The following UBAP1 variants were observed in gnomAD, a reference collection of about 807,000 sequenced individuals.
The protein encoded by UBAP1 is ubiquitin-associated protein 1.
Under a neutral mutation model 39.0 loss-of-function variants are expected in UBAP1, and 5 were observed. The ratio of observed to expected loss-of-function variants is 0.13; its 90% confidence interval spans 0.07 to 0.27. The LOEUF is 0.27. Among genes scored for constraint, UBAP1 ranks in the 10% least tolerant of loss-of-function variants. The pLI is 1.00. For missense variants in UBAP1, 490 were observed against 608.1 expected (o/e 0.81, Z 2.04); for synonymous variants, 211 against 225.1 (o/e 0.94, Z 0.56).
rs752066527 is a variant in UBAP1, at chr9:34,241,180, T to G, written c.160-5T>G. 1 of 1,461,912 alleles carries G rather than the reference T, an allele frequency of 6.8e-7. No homozygotes were observed. The highest frequency in any genetic ancestry group is 9.0e-7 in the Non-Finnish European group (1 of 1,106,136). The allele number at this position is 1,461,912 out of a possible 1,614,324, so 90.6% of individuals were successfully genotyped here. A position where few individuals can be genotyped will look rare whatever the true frequency, so the allele number is the denominator to read the frequency against. ...ACACCCCCTTCCTCTGCTATATCTTTGCAGTATGACTTCTCTTTGGAAAAG... is the reference window on the plus strand; with the variant it reads ...ACACCCCCTTCCTCTGCTATATCTTGGCAGTATGACTTCTCTTTGGAAAAG... On this transcript the variant is annotated splice_polypyrimidine_tract_variant and splice_region_variant and intron_variant, in intron 3 of 6. Coordinates refer to ENST00000297661, the MANE Select transcript of UBAP1 (RefSeq NM_016525.5).
intron 1 of UBAP1, among the ~76,000 whole-genome samples, chr9:34,191,374 G>A (rs1049542787): frequency 6.6e-6 from 1 of 152,074 alleles, no homozygotes; most frequent in Non-Finnish European, 1.5e-5. Context: ...CAGGATTGTG[G>A]GTGTGATCCA....
At chr9:34,194,427 G>A (rs1171936550) in intron 1 of UBAP1, among the ~76,000 whole-genome samples, 1 of 151,312 alleles carries the variant, frequency 6.6e-6, no homozygotes, top group South Asian at 2.1e-4. Flanking sequence ...CCATTCTCCT[G>A]CCTCAGCCTC....
chr9:34,248,625 G>T (rs1362074258), intron 4 of UBAP1, among the ~76,000 whole-genome samples: 1 of 152,218 alleles, frequency 6.6e-6, no homozygotes, highest in Non-Finnish European at 1.5e-5. Context: ...CATAATGACA[G>T]CCCTGTGCTT....
rs180714192 is a variant in UBAP1, at chr9:34,239,433, C to G, written c.160-1752C>G. Among the ~76,000 whole-genome samples the G allele has an allele frequency of 2.4e-4, 37 of 152,344 alleles. No individual in the cohort carries two copies. The East Asian group carries it at 4.2e-3, about 17-fold the overall frequency. Reference sequence around the variant, plus strand: ...GAACAGTCAGACCTAGAGCTCTAGACAGATGGCTTGAAAGTTCCTATAACT... The same window carrying G: ...GAACAGTCAGACCTAGAGCTCTAGAGAGATGGCTTGAAAGTTCCTATAACT... On this transcript the variant is annotated intron_variant, in intron 3 of 6. Transcript: ENST00000297661.
At chr9:34,238,528 C>G (rs1009220691) in intron 3 of UBAP1, among the ~76,000 whole-genome samples, 1 of 152,158 alleles carries the variant, frequency 6.6e-6, no homozygotes, top group Admixed American at 6.5e-5. Context: ...CTCTTATTAA[C>G]TCGTTTTCAT....
chr9:34,225,974 A>G (rs1040140053), intron 2 of UBAP1, among the ~76,000 whole-genome samples: 2 of 152,128 alleles, frequency 1.3e-5, no homozygotes, highest in African/African-American at 4.8e-5. Flanking sequence ...ATTGATATAT[A>G]AAAAGCTGTA....
chr9:34,198,744 T>C (rs933539313), intron 1 of UBAP1, among the ~76,000 whole-genome samples: 12 of 152,158 alleles, frequency 7.9e-5, no homozygotes, highest in Non-Finnish European at 1.5e-4. Flanking sequence ...ATGGATCTCC[T>C]GGAAAGCACC....
intron 1 of UBAP1, among the ~76,000 whole-genome samples, chr9:34,193,170 C>T (rs1398055458): frequency 2.6e-5 from 4 of 151,830 alleles, no homozygotes; most frequent in Non-Finnish European, 5.9e-5. Context: ...ATTAGCCAGG[C>T]GTGGTGGTAT....
chr9:34,185,937 G>A (rs1253873403), intron 1 of UBAP1, among the ~76,000 whole-genome samples: 1 of 152,188 alleles, frequency 6.6e-6, no homozygotes, highest in Non-Finnish European at 1.5e-5. Flanking sequence ...ATGTATTGAG[G>A]AAACAGGATC....
intron 4 of UBAP1, among the ~76,000 whole-genome samples, chr9:34,248,376 T>A (rs557127628): frequency 6.6e-6 from 1 of 152,172 alleles, no homozygotes; most frequent in East Asian, 1.9e-4. Context: ...GTATTCTGGG[T>A]GTATGCCTGC....
chr9:34,196,283 G>C (rs1057175539), intron 1 of UBAP1, among the ~76,000 whole-genome samples: 1 of 150,632 alleles, frequency 6.6e-6, no homozygotes, highest in East Asian at 2.0e-4. Context: ...GGGACCACAG[G>C]TGTGTGCCAC....
chr9:34,241,954 C>T lies in UBAP1; in HGVS notation c.929C>T (p.Ala310Val), dbSNP rs1833979357. The change falls in exon 4 of 7, where the codon GCC becomes GTC. Residue 310 changes from alanine to valine, a missense_variant. Coordinates refer to ENST00000297661, the MANE Select transcript of UBAP1 (RefSeq NM_016525.5). ...NSLKPSTQSS[A>V]SELNGHHTLG... The stretch of plus-strand genomic sequence containing the variant: ...CTAAAGCCTTCCACCCAAAGCAGTG[C>T]CAGTGAGCTCAATGGGCATCACACT... 1.9e-6 allele frequency: 3 copies of T among 1,614,068 alleles called. No individual in the cohort carries two copies. The highest frequency in any genetic ancestry group is 1.7e-6 in the Non-Finnish European group (2 of 1,180,040).
At chr9:34,195,477 C>T (rs1265156173) in intron 1 of UBAP1, among the ~76,000 whole-genome samples, 1 of 152,092 alleles carries the variant, frequency 6.6e-6, no homozygotes, top group Non-Finnish European at 1.5e-5. Flanking sequence ...TTCTATTGAT[C>T]TGTTTGTCTA....
chr9:34,251,327 T>A (rs768587070), intron 6 of UBAP1, 65 bp from the exon 7 acceptor site: 40 of 1,552,106 alleles, frequency 2.6e-5, no homozygotes, highest in Non-Finnish European at 3.1e-5. Flanking sequence ...ACACACACAC[T>A]CCTTCACTCA....
chr9:34,202,623 A>ATGTGTGTG lies in UBAP1; in HGVS notation c.-7-18285_-7-18284insTGTGTGTG, dbSNP rs1190189379. On this transcript the variant is annotated intron_variant, in intron 1 of 6. Coordinates refer to ENST00000297661, the MANE Select transcript of UBAP1 (RefSeq NM_016525.5). ...TATGGGCCAGAAGCTGTAGACAGAA[A>ATGTGTGTG]CGTGTGTGTGTGTGTGTGTGTGTGT... Among the ~76,000 whole-genome samples, 3 of 54,510 alleles carry ATGTGTGTG rather than the reference A, an allele frequency of 5.5e-5. 1 individual carries two copies. Among genetic ancestry groups the ATGTGTGTG allele is most frequent in the East Asian group, 1.6e-3 (1 of 644 alleles). 35.8% of individuals were successfully genotyped at this position (54,510 alleles called of 152,430 possible). A position where few individuals can be genotyped will look rare whatever the true frequency, so the allele number is the denominator to read the frequency against.
intron 1 of UBAP1, among the ~76,000 whole-genome samples, chr9:34,208,417 C>T (rs190318406): frequency 1.3e-5 from 2 of 152,138 alleles, no homozygotes; most frequent in East Asian, 3.9e-4. Flanking sequence ...CCGAGGCAGG[C>T]AGATCACCTG....
In UBAP1 at chr9:34,241,254, C is replaced by A; in HGVS notation, c.229C>A (p.Arg77=). The A allele has an allele frequency of 1.3e-6, 2 of 1,500,536 alleles. No individual in the cohort carries two copies. Among genetic ancestry groups the A allele is most frequent in the South Asian group, 1.4e-5 (1 of 69,004 alleles). The allele number at this position is 1,500,536 out of a possible 1,614,324, so 93.0% of individuals were successfully genotyped here. Residue 77 remains arginine, a synonymous_variant, in exon 4 of 7, where the codon CGG becomes AGG. Transcript: ENST00000297661. The part of the protein sequence containing the change: ...EEIKKIEEAE[R]EAECKIAEAE... ...GATTAAGAAAATCGAAGAAGCCGAG[C>A]GGGAAGCAGAGTGCAAAATTGCGGA... is the stretch of plus-strand genomic sequence containing the variant.
chr9:34,210,331 G>A (rs1398049429), intron 1 of UBAP1, among the ~76,000 whole-genome samples: 2 of 152,174 alleles, frequency 1.3e-5, no homozygotes, highest in Non-Finnish European at 2.9e-5. Flanking sequence ...TAACCTGACT[G>A]AAAGCAAGGC....
rs541975951 is a variant in UBAP1 at position 34,179,923 on chromosome 9, TAAA to T, written c.-8+685_-8+687del. 1.5e-4 allele frequency among the ~76,000 whole-genome samples: 23 copies of T among 152,286 alleles called. 1 individual carries two copies. The South Asian group carries it at 4.8e-3, about 32-fold the overall frequency. ...TGTAATTGTTTCCAGACTAGCGTCT[TAAA>T]AGTATGGTTGGGCATAAAAATACGT... is the stretch of plus-strand genomic sequence containing the variant. On this transcript the variant is annotated intron_variant, in intron 1 of 6. Transcript: ENST00000297661.
Sources: gnomAD v4.1 joint callset for allele counts (sites outside exome capture counted in the v4.1 genomes callset) on GRCh38, gnomAD v4.1.1 for gene constraint, MANE v1.5 for transcripts, NCBI Gene and HGNC (gene_info 2026-07-23, HGNC 2026-07-21) for gene names.